WDR70: variants seen among roughly 807,000 people sequenced by gnomAD.
WDR70 encodes WD repeat-containing protein 70.
In WDR70, 53 loss-of-function variants were observed where a neutral mutation model predicts 88.6. That is an observed-to-expected ratio of 0.60 (90% CI 0.48 to 0.75). The LOEUF (loss-of-function observed/expected upper bound fraction) is 0.75, where lower values mean the gene tolerates loss of function less well. Ranked by LOEUF, WDR70 falls within the 30% of genes least tolerant of loss-of-function variation. The probability of loss-of-function intolerance (pLI) is 0.00; values close to 1 mark genes in which losing one functional copy is unlikely to be tolerated. For synonymous variants in WDR70, 280 were observed against 270.0 expected (o/e 1.04, Z -0.36); for missense variants, 610 against 823.2 (o/e 0.74, Z 3.17).
In WDR70 at chr5:37,487,786, C is replaced by T. The variant is rs542155134; in HGVS notation, c.840+7799C>T. Among the ~76,000 whole-genome samples the T allele has an allele frequency of 1.1e-4, 17 of 151,460 alleles. No homozygotes were observed. In the East Asian group the frequency reaches 1.4e-3, roughly 12 times the overall value. On this transcript the variant is annotated intron_variant, in intron 8 of 17. Coordinates refer to ENST00000265107, the MANE Select transcript of WDR70 (RefSeq NM_018034.4). ...GACTACAGGTACGTACCACCACACCCGGCTAATTTTTGTATTTTTAGTAGA... is the reference window on the plus strand; with the variant it reads ...GACTACAGGTACGTACCACCACACCTGGCTAATTTTTGTATTTTTAGTAGA...
intron 9 of WDR70, among the ~76,000 whole-genome samples, chr5:37,596,145 A>G (rs1422758385): frequency 6.6e-6 from 1 of 152,182 alleles, no homozygotes; most frequent in African/African-American, 2.4e-5. Flanking sequence ...CATAATGTTA[A>G]GATTGCGCTA....
chr5:37,644,295 C>T (rs1475794270), intron 10 of WDR70, among the ~76,000 whole-genome samples: 1 of 151,930 alleles, frequency 6.6e-6, no homozygotes, highest in African/African-American at 2.4e-5. Context: ...CTTTGATTTG[C>T]ATATGTTAAA....
intron 5 of WDR70, among the ~76,000 whole-genome samples, chr5:37,428,021 T>TTC (rs1554138918): frequency 1.3e-5 from 2 of 151,326 alleles, no homozygotes; most frequent in Non-Finnish European, 1.5e-5. Flanking sequence ...TTTTTTTTTT[T>TTC]CCCTGCTGTC....
chr5:37,707,515 A>C (rs1747360777), intron 13 of WDR70, among the ~76,000 whole-genome samples: 3 of 152,244 alleles, frequency 2.0e-5, no homozygotes, highest in African/African-American at 7.2e-5. Context: ...TTTATTTTTG[A>C]AAACACTGCT....
chr5:37,695,496 T>A (rs1361107817), intron 10 of WDR70, among the ~76,000 whole-genome samples: 1 of 152,182 alleles, frequency 6.6e-6, no homozygotes, highest in East Asian at 1.9e-4. Flanking sequence ...TCTCAGGGTT[T>A]CACCAGGCTA....
chr5:37,571,201 A>G (rs1448582598), intron 9 of WDR70, among the ~76,000 whole-genome samples: 1 of 152,204 alleles, frequency 6.6e-6, no homozygotes, highest in Non-Finnish European at 1.5e-5. Context: ...CGAAATTTCT[A>G]AGTAGCGCTG....
chr5:37,489,729 T>C (rs944181831), intron 8 of WDR70, among the ~76,000 whole-genome samples: 2 of 151,440 alleles, frequency 1.3e-5, no homozygotes, highest in African/African-American at 4.9e-5. Context: ...GGGCACTTGG[T>C]TGGGGTGACA....
intron 10 of WDR70, among the ~76,000 whole-genome samples, chr5:37,656,020 T>C (rs752168140): frequency 6.7e-6 from 1 of 149,986 alleles, no homozygotes; most frequent in African/African-American, 2.4e-5. Flanking sequence ...GAAGAGACGT[T>C]CTGGTTTTTG....
At chr5:37,385,216 T>G (rs1748570753) in intron 3 of WDR70, among the ~76,000 whole-genome samples, 1 of 151,866 alleles carries the variant, frequency 6.6e-6, no homozygotes, top group African/African-American at 2.4e-5. Flanking sequence ...GCTAATCACA[T>G]CTAGTGGTTC....
chr5:37,623,784 A>G (rs116061870), intron 10 of WDR70, among the ~76,000 whole-genome samples: 6 of 152,272 alleles, frequency 3.9e-5, no homozygotes, highest in African/African-American at 1.4e-4. Context: ...AATAAGATAA[A>G]CTGTGTAAGT....
chr5:37,492,108 T>A (rs7715951), intron 8 of WDR70, among the ~76,000 whole-genome samples: 90,779 of 152,008 alleles, frequency 0.6, 28,466 homozygotes, highest in Non-Finnish European at 0.69. Context: ...GGTACTCTGG[T>A]TATATTCATT....
chr5:37,522,933 A>T (rs1455215143), intron 9 of WDR70, among the ~76,000 whole-genome samples: 1 of 152,240 alleles, frequency 6.6e-6, no homozygotes, highest in Non-Finnish European at 1.5e-5. Context: ...AGGCTGGGGA[A>T]GGGGCACCCA....
chr5:37,737,463 A>C (rs532470171), intron 17 of WDR70, among the ~76,000 whole-genome samples: 1 of 152,228 alleles, frequency 6.6e-6, no homozygotes, highest in East Asian at 1.9e-4. Flanking sequence ...ATGAGCCAGC[A>C]TGGTGTAACA....
At chr5:37,622,447 G>A (rs1744533930) in intron 10 of WDR70, among the ~76,000 whole-genome samples, 1 of 151,942 alleles carries the variant, frequency 6.6e-6, no homozygotes, top group African/African-American at 2.4e-5. Flanking sequence ...GCACACGTAT[G>A]TTTATTGCAG....
At chr5:37,483,740 C>T (rs1206340705) in intron 8 of WDR70, among the ~76,000 whole-genome samples, 1 of 150,754 alleles carries the variant, frequency 6.6e-6, no homozygotes, top group Admixed American at 6.6e-5. Flanking sequence ...CCCCCCACCT[C>T]CCTCCCGGAC....
intron 9 of WDR70, among the ~76,000 whole-genome samples, chr5:37,578,158 C>T (rs939332408): frequency 3.9e-5 from 6 of 151,988 alleles, no homozygotes; most frequent in African/African-American, 1.5e-4. Context: ...GAAAATAAGG[C>T]TGCATAGAAA....
chr5:37,581,190 GACA>G (rs1743207218), intron 9 of WDR70, among the ~76,000 whole-genome samples: 1 of 138,832 alleles, frequency 7.2e-6, no homozygotes, highest in African/African-American at 3.4e-5. Flanking sequence ...GGTGGATGTA[GACA>G]GTATCCTAAA....
rs143491304 is a variant in WDR70, at chr5:37,479,915, T to C, written c.768T>C (p.Ile256=). 3.3e-4 allele frequency: 526 copies of C among 1,614,158 alleles called. 3 individuals carry two copies. In the African/African-American group the frequency reaches 6.2e-3, roughly 19 times the overall value. Residue 256 remains isoleucine, a synonymous_variant, in exon 8 of 18, where the codon ATT becomes ATC. Coordinates refer to ENST00000265107, the MANE Select transcript of WDR70 (RefSeq NM_018034.4). ...CTGGAAGCTCTCAGGCCAAGGTGAT[T>C]GACAGAGATGGTTTTGAAGTAATGG... ...VVSGSSQAKV[I]DRDGFEVMEC...
At position 37,468,088 on chromosome 5, in the gene WDR70, A is replaced by G. The variant is rs185710564; in HGVS notation, c.687-11746A>G. ...ATGGTGTCGATCTCCTGACCTTGTG[A>G]TTCACCCGCCTCGGCCTCCCAAAGT... On this transcript the variant is annotated intron_variant, in intron 7 of 17. Transcript: ENST00000265107. Among the ~76,000 whole-genome samples, 847 of 152,026 alleles carry G rather than the reference A, an allele frequency of 5.6e-3. 11 individuals are homozygous for G. Among genetic ancestry groups the G allele is most frequent in the African/African-American group, 0.019 (808 of 41,448 alleles).
Sources: gnomAD v4.1 joint callset for allele counts (sites outside exome capture counted in the v4.1 genomes callset) on GRCh38, gnomAD v4.1.1 for gene constraint, MANE v1.5 for transcripts, NCBI Gene and HGNC (gene_info 2026-07-23, HGNC 2026-07-21) for gene names.